FSTL5: variants seen among roughly 807,000 people sequenced by gnomAD.
The protein encoded by FSTL5 is follistatin-related protein 5.
Under a neutral mutation model 89.1 loss-of-function variants are expected in FSTL5, and 62 were observed. The observed-to-expected ratio is 0.70, with a 90% CI of 0.57 to 0.86. The LOEUF is 0.86. Ranked by LOEUF, FSTL5 falls within the 40% of genes least tolerant of loss-of-function variation. The pLI is 0.00. For missense variants in FSTL5, 1,057 were observed against 1,001.6 expected, an observed-to-expected ratio of 1.06 and a Z score of -0.75; for synonymous variants, 383 against 346.2, an observed-to-expected ratio of 1.11 and a Z score of -1.18.
In FSTL5 at chr4:161,385,163, G is replaced by C. The variant is rs1730570952; in HGVS notation, c.*584C>G. On this transcript the variant is annotated 3_prime_UTR_variant, in exon 16 of 16. Coordinates refer to ENST00000306100, the MANE Select transcript of FSTL5 (RefSeq NM_020116.5). ...GTAGTTCATTGAGGGTTAAACAAAA[G>C]ACTGAAGACAGGATTTGGTGCAAGA... is the stretch of plus-strand genomic sequence containing the variant. 1.3e-5 allele frequency: 2 copies of C among 152,904 alleles called. No individual in the cohort carries two copies. Among genetic ancestry groups the C allele is most frequent in the South Asian group, 4.1e-4 (2 of 4,848 alleles). 9.5% of individuals were successfully genotyped at this position (152,904 alleles called of 1,614,324 possible). A position where few individuals can be genotyped will look rare whatever the true frequency, so the allele number is the denominator to read the frequency against.
intron 6 of FSTL5, among the ~76,000 whole-genome samples, chr4:161,745,862 A>G (rs1036951885): frequency 6.6e-6 from 1 of 152,278 alleles, no homozygotes; most frequent in Middle Eastern, 3.4e-3. Flanking sequence ...TGGAAATATG[A>G]GTCGTACATA....
chr4:162,087,590 G>T (rs556876294), intron 2 of FSTL5, among the ~76,000 whole-genome samples: 138 of 152,200 alleles, frequency 9.1e-4, no homozygotes, highest in African/African-American at 3.1e-3. Context: ...GCCCTCACTT[G>T]TTGTAGAAAT....
chr4:161,834,811 C>T (rs967452838), intron 4 of FSTL5, among the ~76,000 whole-genome samples: 1 of 152,032 alleles, frequency 6.6e-6, no homozygotes, highest in Non-Finnish European at 1.5e-5. Flanking sequence ...AGGATACAAA[C>T]AAATGGAAGA....
chr4:161,524,410 G>T (rs1731140118), intron 10 of FSTL5, among the ~76,000 whole-genome samples: 1 of 151,880 alleles, frequency 6.6e-6, no homozygotes, highest in Admixed American at 6.6e-5. Flanking sequence ...ACCTCCTGAG[G>T]GCTGTGTCAC....
rs188079556 is a variant in FSTL5, at chr4:161,682,146, T to C, written c.728-25652A>G. 1.1e-4 allele frequency among the ~76,000 whole-genome samples: 17 copies of C among 152,288 alleles called. 1 individual carries two copies. The East Asian group carries it at 1.7e-3, about 16-fold the overall frequency. ...TATTGCTTAAAATATTAAAAAATGG[T>C]TCACTTGTATGGGAAAATTACCATG... On this transcript the variant is annotated intron_variant, in intron 6 of 15. Coordinates refer to ENST00000306100, the MANE Select transcript of FSTL5 (RefSeq NM_020116.5).
chr4:161,780,652 C>A (rs1307167563), intron 4 of FSTL5, among the ~76,000 whole-genome samples: 1 of 152,168 alleles, frequency 6.6e-6, no homozygotes, highest in African/African-American at 2.4e-5. Flanking sequence ...GTGGGTCCTG[C>A]AAGGATGCAG....
chr4:161,930,702 G>A (rs1267406145), intron 3 of FSTL5, among the ~76,000 whole-genome samples: 1 of 151,758 alleles, frequency 6.6e-6, no homozygotes, highest in Admixed American at 6.6e-5. Context: ...ATCTATGCTC[G>A]TAAACTCATT....
At chr4:162,052,535 G>T (rs963795486) in intron 2 of FSTL5, among the ~76,000 whole-genome samples, 1 of 151,648 alleles carries the variant, frequency 6.6e-6, no homozygotes, top group Non-Finnish European at 1.5e-5. Flanking sequence ...CCATTATTAT[G>T]AAAGCTTAGA....
At chr4:161,493,358 T>C (rs1489619672) in intron 12 of FSTL5, among the ~76,000 whole-genome samples, 1 of 151,834 alleles carries the variant, frequency 6.6e-6, no homozygotes, top group Non-Finnish European at 1.5e-5. Context: ...TACCTTTTTT[T>C]AGTGACTAAA....
At position 161,620,188 on chromosome 4, in the gene FSTL5, G is replaced by A. The variant is rs372256937; in HGVS notation, c.895-32613C>T. 3.5e-4 allele frequency among the ~76,000 whole-genome samples: 41 copies of A among 117,618 alleles called. No homozygotes were observed. In the East Asian group the frequency reaches 0.01, roughly 29 times the overall value. The allele number at this position is 117,618 out of a possible 152,430, so 77.2% of individuals were successfully genotyped here. On this transcript the variant is annotated intron_variant, in intron 7 of 15. Transcript: ENST00000306100. ...GGAACATCACACTCTGGGGACTGTT[G>A]TGGGGTGGGGGGAGGGGGGAGGGAT...
chr4:162,010,267 A>G (rs1052682356), intron 3 of FSTL5, among the ~76,000 whole-genome samples: 2 of 152,164 alleles, frequency 1.3e-5, no homozygotes, highest in African/African-American at 4.8e-5. Flanking sequence ...CTCTGAGATG[A>G]TAAAATTTTA....
At chr4:162,068,535 T>G (rs929131219) in intron 2 of FSTL5, among the ~76,000 whole-genome samples, 1 of 152,080 alleles carries the variant, frequency 6.6e-6, no homozygotes, top group Non-Finnish European at 1.5e-5. Context: ...TCTTACATTA[T>G]ATACAAAAAT....
At chr4:161,650,898 G>A (rs1258299286) in intron 7 of FSTL5, among the ~76,000 whole-genome samples, 2 of 152,012 alleles carry the variant, frequency 1.3e-5, no homozygotes, top group South Asian at 4.2e-4. Flanking sequence ...TTTCTCTCAA[G>A]TAAAAACAAA....
chr4:161,553,570 T>G (rs930346153), intron 8 of FSTL5, among the ~76,000 whole-genome samples: 1 of 151,312 alleles, frequency 6.6e-6, no homozygotes, highest in Non-Finnish European at 1.5e-5. Flanking sequence ...GAGTGATAGG[T>G]TCGAGTTGAA....
chr4:161,451,137 A>G (rs1335082835), intron 15 of FSTL5, among the ~76,000 whole-genome samples: 1 of 152,042 alleles, frequency 6.6e-6, no homozygotes, highest in Non-Finnish European at 1.5e-5. Context: ...TTCATCCTAT[A>G]ACAAATTTAT....
At chr4:161,740,779 T>A (rs1381862252) in intron 6 of FSTL5, among the ~76,000 whole-genome samples, 1 of 152,210 alleles carries the variant, frequency 6.6e-6, no homozygotes, top group African/African-American at 2.4e-5. Context: ...ATAGTGTATG[T>A]CTTAGTCTGT....
At chr4:162,149,448 G>A (rs1370812332) in intron 1 of FSTL5, among the ~76,000 whole-genome samples, 1 of 151,476 alleles carries the variant, frequency 6.6e-6, no homozygotes, top group Admixed American at 6.6e-5. Flanking sequence ...AACACAGAGA[G>A]ACCCCTATCT....
intron 10 of FSTL5, among the ~76,000 whole-genome samples, chr4:161,529,291 T>C (rs1369549963): frequency 7.0e-6 from 1 of 141,954 alleles, no homozygotes. Flanking sequence ...ATAGTCTTCA[T>C]ATAGAAGTCA....
chr4:161,771,943 G>T lies in FSTL5; in HGVS notation c.606+3935C>A, dbSNP rs548391177. Among the ~76,000 whole-genome samples, 12 of 152,280 alleles carry T rather than the reference G, an allele frequency of 7.9e-5. No individual in the cohort carries two copies. In the East Asian group the frequency reaches 2.3e-3, roughly 29 times the overall value. On this transcript the variant is annotated intron_variant, in intron 5 of 15. Coordinates refer to ENST00000306100, the MANE Select transcript of FSTL5 (RefSeq NM_020116.5). ...ATGGACAATTCTGTTAAGTTAGAAT[G>T]ATGAAGAGGTGGATTGAATGAGATC... is the stretch of plus-strand genomic sequence containing the variant.
Sources: allele counts gnomAD v4.1 joint callset (sites outside exome capture counted in the v4.1 genomes callset), GRCh38; gene constraint gnomAD v4.1.1; transcripts MANE v1.5; gene names NCBI Gene and HGNC (gene_info 2026-07-23, HGNC 2026-07-21).